Variants in HEBP1 observed in about 807,000 individuals in gnomAD.
HEBP1 encodes the protein heme binding protein 1, also known as heme-binding protein 1.
HEBP1 carries 13 observed loss-of-function variants against 20.4 expected under a neutral mutation model. The ratio of observed to expected loss-of-function variants is 0.64; its 90% CI spans 0.42 to 1.01. The LOEUF is 1.01. HEBP1 is among the 50% of genes least tolerant of loss of function. The probability of loss-of-function intolerance (pLI) is 0.00; values close to 1 mark genes in which losing one functional copy is unlikely to be tolerated. For synonymous variants in HEBP1, 92 were observed against 90.7 expected, an observed-to-expected ratio of 1.01 and a Z score of -0.08; for missense variants, 241 against 247.3, an observed-to-expected ratio of 0.97 and a Z score of 0.17.
intron 2 of HEBP1, among the ~76,000 whole-genome samples, chr12:12,987,612 T>TCTCTCTCTTTCTCTCTC (rs1230851526): frequency 3.4e-5 from 4 of 117,838 alleles, no homozygotes; most frequent in South Asian, 2.7e-4. Flanking sequence ...CTCTCTCTCT[T>TCTCTCTCTTTCTCTCTC]TCTCTCTCTC....
chr12:12,974,897 T>C lies in HEBP1; in HGVS notation c.*411A>G, dbSNP rs1401007477. 1 of 187,408 alleles carries C rather than the reference T, an allele frequency of 5.3e-6. No homozygotes were observed. The highest frequency in any genetic ancestry group is 1.8e-4 in the East Asian group (1 of 5,566). 11.6% of individuals were successfully genotyped at this position (187,408 alleles called of 1,614,324 possible). A position where few individuals can be genotyped will look rare whatever the true frequency, so the allele number is the denominator to read the frequency against. On this transcript the variant is annotated 3_prime_UTR_variant, in exon 4 of 4. Coordinates refer to ENST00000014930, the MANE Select transcript of HEBP1 (RefSeq NM_015987.5). The stretch of plus-strand genomic sequence containing the variant: ...AGCTGTTTAAGTCAATGCCTTTTAT[T>C]TTTAGTTTTTCTGAAGACAAAGCTC...
At chr12:12,979,324 C>T (rs1864043722) in intron 3 of HEBP1, 6 of 152,290 alleles carry the variant, frequency 3.9e-5, no homozygotes, top group South Asian at 2.1e-4. Flanking sequence ...ATTGCTTCAT[C>T]GTAGAATCCT....
intron 1 of HEBP1, among the ~76,000 whole-genome samples, chr12:12,990,115 TGC>T (rs1864201079): frequency 1.4e-5 from 1 of 72,886 alleles, no homozygotes; most frequent in African/African-American, 4.3e-5. Flanking sequence ...CTACTCTCTG[TGC>T]ACACACACAC....
intron 3 of HEBP1, among the ~76,000 whole-genome samples, chr12:12,980,785 C>T (rs972105403): frequency 1.3e-5 from 2 of 152,230 alleles, no homozygotes; most frequent in African/African-American, 2.4e-5. Flanking sequence ...GGCATTTTTA[C>T]TAGGCTTTAC....
chr12:12,980,772 C>G (rs1388829483), intron 3 of HEBP1, among the ~76,000 whole-genome samples: 1 of 152,198 alleles, frequency 6.6e-6, no homozygotes, highest in Non-Finnish European at 1.5e-5. Context: ...AGTGCCATCA[C>G]AGGGCATTTT....
chr12:12,983,946 A>G (rs1470208064), intron 3 of HEBP1: 5 of 319,394 alleles, frequency 1.6e-5, no homozygotes, highest in Non-Finnish European at 6.2e-6. Context: ...TGTCAAAAGG[A>G]CCAACAAACC....
chr12:12,976,667 A>G (rs1301001602), intron 3 of HEBP1, among the ~76,000 whole-genome samples: 2 of 152,220 alleles, frequency 1.3e-5, no homozygotes, highest in Non-Finnish European at 2.9e-5. Context: ...TGTTTTCTGT[A>G]ATGGATTGGT....
chr12:12,983,841 G>T (rs928214973), intron 3 of HEBP1: 6 of 452,224 alleles, frequency 1.3e-5, no homozygotes, highest in Non-Finnish European at 2.7e-5. Flanking sequence ...TAGAGAAATG[G>T]CTAATTCTAG....
Position 12,987,219 on chromosome 12 carries a change from C to T in HEBP1, c.331G>A (p.Asp111Asn), listed in dbSNP as rs370275058. 20 of 1,614,016 alleles carry T rather than the reference C, an allele frequency of 1.2e-5. No homozygotes were observed. Among genetic ancestry groups the T allele is most frequent in the East Asian group, 2.2e-5 (1 of 44,874 alleles). The change falls in exon 3 of 4, where the codon GAC becomes AAC. Residue 111 changes from aspartate (D) to asparagine (N), a missense_variant. Asp to Asn is a conservative substitution (Grantham distance 23, BLOSUM62 1). Coordinates refer to ENST00000014930, the MANE Select transcript of HEBP1 (RefSeq NM_015987.5). ...CTTTTGTCACTGGGAGCTGGTGGGT[C>T]GCTTTGAAATTGGTTTGGAATCCGG... ...WFRIPNQFQS[D>N]PPAPSDKSVK...
chr12:12,977,173 G>A (rs1214534519), intron 3 of HEBP1, among the ~76,000 whole-genome samples: 4 of 152,186 alleles, frequency 2.6e-5, no homozygotes, highest in African/African-American at 9.7e-5. Context: ...TAGGTCTTAA[G>A]CTAATTCTAA....
At chr12:12,987,612 T>TTTCTC (rs1555114947) in intron 2 of HEBP1, among the ~76,000 whole-genome samples, 53,805 of 117,370 alleles carry the variant, frequency 0.46, 12,496 homozygotes, top group Non-Finnish European at 0.6. Context: ...CTCTCTCTCT[T>TTTCTC]TCTCTCTCTC....
rs1186355178 is a variant in HEBP1, at chr12:12,993,145, CCCTTCCTT to C, written c.79-3738_79-3731del. 4.0e-3 allele frequency among the ~76,000 whole-genome samples: 94 copies of C among 23,656 alleles called. 1 individual carries two copies. The highest frequency in any genetic ancestry group is 0.025 in the South Asian group (4 of 162). The allele number at this position is 23,656 out of a possible 152,430, so 15.5% of individuals were successfully genotyped here. A position where few individuals can be genotyped will look rare whatever the true frequency, so the allele number is the denominator to read the frequency against. On this transcript the variant is annotated intron_variant, in intron 1 of 3. Coordinates refer to ENST00000014930, the MANE Select transcript of HEBP1 (RefSeq NM_015987.5). ...TTTCCCCCTCCCTCCCTCCCTCCCTCCCTTCCTTCCTTCCTTCCTTCCTCTCTCTCTCT... is the reference window on the plus strand; with the variant it reads ...TTTCCCCCTCCCTCCCTCCCTCCCTCCCTTCCTTCCTTCCTCTCTCTCTCT...
Position 12,989,275 on chromosome 12 carries a change from A to C in HEBP1, c.217+2T>G, listed in dbSNP as rs1471775281. On this transcript the variant is annotated splice_donor_variant, in intron 2 of 3. Transcript: ENST00000014930. LOFTEE classifies it high-confidence loss of function. ...AGAGCCACATCCTGCAGGGGTACTC[A>C]CCCTTGTCATTGGTGCCCCCCGCAT... 1 of 1,613,560 alleles carries C rather than the reference A, an allele frequency of 6.2e-7. No individual in the cohort carries two copies. The highest frequency in any genetic ancestry group is 8.5e-7 in the Non-Finnish European group (1 of 1,179,964).
rs149467814 is a variant in HEBP1, at chr12:12,999,516, C to T, written c.78+521G>A. Among the ~76,000 whole-genome samples the T allele has an allele frequency of 1.2e-4, 18 of 152,352 alleles. No homozygotes were observed. In the East Asian group the frequency reaches 1.9e-3, roughly 16 times the overall value. ...CGGTCCCAGGAATCAAGATTTCATC[C>T]TGCTACGCAGAATGGCCGGAAACTT... On this transcript the variant is annotated intron_variant, in intron 1 of 3. Transcript: ENST00000014930.
intron 1 of HEBP1, among the ~76,000 whole-genome samples, chr12:12,997,164 C>A (rs1864300844): frequency 6.6e-6 from 1 of 152,074 alleles, no homozygotes; most frequent in Non-Finnish European, 1.5e-5. Flanking sequence ...TACCAATATC[C>A]CATATGGCCC....
chr12:12,976,537 AT>A (rs1330717889), intron 3 of HEBP1, among the ~76,000 whole-genome samples: 3 of 152,230 alleles, frequency 2.0e-5, no homozygotes, highest in Non-Finnish European at 2.9e-5. Flanking sequence ...ATTAGGCCAA[AT>A]AATGCATTAT....
At position 12,998,605 on chromosome 12, in the gene HEBP1, G is replaced by A. The variant is rs960641064; in HGVS notation, c.78+1432C>T. Among the ~76,000 whole-genome samples the A allele has an allele frequency of 3.3e-5, 5 of 152,184 alleles. No homozygotes were observed. The highest frequency in any genetic ancestry group is 1.2e-4 in the African/African-American group (5 of 41,448). On this transcript the variant is annotated intron_variant, in intron 1 of 3. Transcript: ENST00000014930. The surrounding 1 kb of genome is among the most constrained non-coding windows in gnomAD (Gnocchi z 4.2). ...TCATTCTACATAGAGCTGGGGAAAC[G>A]GAGATAAGAACAGGTGAAAGGTCTT...
Position 12,987,612 on chromosome 12 carries a change from T to TCTC in HEBP1, c.218-281_218-280insGAG, listed in dbSNP as rs1230851526. On this transcript the variant is annotated intron_variant, in intron 2 of 3. Transcript: ENST00000014930. ...TCTTTCTCTCTCTCTCTCTCTCTCT[T>TCTC]TCTCTCTCTCTCTCTCTCTCTCTTT... Among the ~76,000 whole-genome samples, 1,020 of 117,792 alleles carry TCTC rather than the reference T, an allele frequency of 8.7e-3. 24 individuals are homozygous for TCTC. Among genetic ancestry groups the TCTC allele is most frequent in the African/African-American group, 0.026 (863 of 32,576 alleles). The allele number at this position is 117,792 out of a possible 152,430, so 77.3% of individuals were successfully genotyped here.
chr12:12,993,873 A>G (rs1248584682), intron 1 of HEBP1, among the ~76,000 whole-genome samples: 1 of 152,194 alleles, frequency 6.6e-6, no homozygotes, highest in Non-Finnish European at 1.5e-5. Flanking sequence ...CCAGGGCAGT[A>G]TGGGAACACA....
Sources: allele counts gnomAD v4.1 joint callset (sites outside exome capture counted in the v4.1 genomes callset), GRCh38; gene constraint gnomAD v4.1.1; non-coding constraint Gnocchi (gnomAD v3.1); transcripts MANE v1.5; gene names NCBI Gene and HGNC (gene_info 2026-07-23, HGNC 2026-07-21).